Variants in ZNF208 observed in about 807,000 individuals in gnomAD.
ZNF208 encodes zinc finger protein 208.
In ZNF208, 10 loss-of-function variants were observed where a neutral mutation model predicts 12.1. The observed-to-expected ratio is 0.83, with a 90% CI of 0.51 to 1.40. ZNF208 has a LOEUF of 1.40. Ranked by LOEUF, ZNF208 falls within the 40% of genes most tolerant of loss-of-function variation. The probability of loss-of-function intolerance (pLI) is 0.00; values close to 1 mark genes in which losing one functional copy is unlikely to be tolerated. For missense variants in ZNF208, 1,652 were observed against 1,485.0 expected (o/e 1.11, Z -1.85); for synonymous variants, 497 against 488.4 (o/e 1.02, Z -0.23).
chr19:21,942,319 A>G (rs1046905601), intron 4 of ZNF208, among the ~76,000 whole-genome samples: 2 of 152,186 alleles, frequency 1.3e-5, no homozygotes, highest in Non-Finnish European at 2.9e-5. Context: ...TTAAAAATAG[A>G]TATGTTTATC....
intron 4 of ZNF208, among the ~76,000 whole-genome samples, chr19:21,956,912 C>T (rs1969987206): frequency 6.6e-6 from 1 of 152,236 alleles, no homozygotes; most frequent in East Asian, 1.9e-4. Context: ...TCATCTGTGT[C>T]ACTCACACTG....
At chr19:22,007,234 T>G (rs1971059990) in intron 1 of ZNF208, among the ~76,000 whole-genome samples, 1 of 152,062 alleles carries the variant, frequency 6.6e-6, no homozygotes, top group South Asian at 2.1e-4. Context: ...AAAACACACC[T>G]GAGGGCCGGG....
chr19:21,961,747 T>C (rs935283601), downstream of ZNF208, among the ~76,000 whole-genome samples: 1 of 151,876 alleles, frequency 6.6e-6, no homozygotes, highest in East Asian at 1.9e-4. Flanking sequence ...AGTGATATCT[T>C]CCCTACTTGC....
intron 1 of ZNF208, among the ~76,000 whole-genome samples, chr19:22,001,910 AAAAAAAAAAAAG>A (rs1970959232): frequency 2.2e-5 from 3 of 137,564 alleles, no homozygotes; most frequent in African/African-American, 8.0e-5. Context: ...AAAAAAAAAA[AAAAAAAAAAAAG>A]AAAAAAGAAA....
intron 4 of ZNF208, among the ~76,000 whole-genome samples, chr19:21,941,930 A>G (rs1969748490): frequency 6.6e-6 from 1 of 152,162 alleles, no homozygotes; most frequent in Non-Finnish European, 1.5e-5. Flanking sequence ...GTTTTAGAAA[A>G]TCTAAGATTG....
At chr19:21,980,851 T>C (rs1430797408) in intron 3 of ZNF208, among the ~76,000 whole-genome samples, 1 of 152,000 alleles carries the variant, frequency 6.6e-6, no homozygotes, top group Non-Finnish European at 1.5e-5. Context: ...AAGAATCAAA[T>C]AGACACAATC....
At chr19:22,010,690 T>C in intron 1 of ZNF208, 102 bp downstream of exon 1, 1 of 1,570,718 alleles carries the variant, frequency 6.4e-7, no homozygotes, top group Non-Finnish European at 8.8e-7. Flanking sequence ...GGCACAGATG[T>C]GGAGCTGACT....
Position 21,969,277 on chromosome 19 carries a change from G to GAAAAA in ZNF208, c.*1909_*1913dup, listed in dbSNP as rs3029025. 6.7e-6 allele frequency among the ~76,000 whole-genome samples: 1 copy of GAAAAA among 149,452 alleles called. No homozygotes were observed. On this transcript the variant is annotated 3_prime_UTR_variant, in exon 4 of 4. Coordinates refer to ENST00000397126, the MANE Select transcript of ZNF208 (RefSeq NM_007153.3). Reference sequence around the variant, plus strand: ...TGGCCACAGTAAGCCAATGTGTCTGGAAAAAAAAAAAATCTGTGTTTTGAA... The same window carrying GAAAAA: ...TGGCCACAGTAAGCCAATGTGTCTGGAAAAAAAAAAAAAAAAATCTGTGTTTTGAA...
intron 4 of ZNF208, among the ~76,000 whole-genome samples, chr19:21,956,766 C>A (rs886698496): frequency 6.6e-6 from 1 of 152,158 alleles, no homozygotes; most frequent in Non-Finnish European, 1.5e-5. Context: ...AAAGGGATTA[C>A]CCCAACCCCT....
chr19:21,961,515 C>T (rs942159728), downstream of ZNF208, among the ~76,000 whole-genome samples: 3 of 152,060 alleles, frequency 2.0e-5, no homozygotes, highest in East Asian at 1.9e-4. Flanking sequence ...AAATTGGGTT[C>T]GAGAGCAGAG....
chr19:21,963,135 C>T (rs1970105654), downstream of ZNF208, among the ~76,000 whole-genome samples: 1 of 152,032 alleles, frequency 6.6e-6, no homozygotes, highest in Admixed American at 6.6e-5. Context: ...CTTACTTTAA[C>T]AATGATGATG....
At chr19:21,946,978 CT>C (rs931023294) in intron 4 of ZNF208, among the ~76,000 whole-genome samples, 6 of 148,078 alleles carry the variant, frequency 4.1e-5, no homozygotes, top group Non-Finnish European at 9.0e-5. Flanking sequence ...TCTTCTTCTT[CT>C]TTTTTTTGGT....
Position 21,967,744 on chromosome 19 carries a change from A to C in ZNF208, c.*3447T>G, listed in dbSNP as rs1036927743. 6.6e-6 allele frequency: 1 copy of C among 152,060 alleles called. No individual in the cohort carries two copies. Among genetic ancestry groups the C allele is most frequent in the Non-Finnish European group, 1.5e-5 (1 of 68,014 alleles). 9.4% of individuals were successfully genotyped at this position (152,060 alleles called of 1,614,324 possible). ...CTATTTGAGCTCTTTAATTCTTTTG[A>C]ATGTATTTTAGAATAGTTTTCTTTT... is the stretch of plus-strand genomic sequence containing the variant. On this transcript the variant is annotated 3_prime_UTR_variant, in exon 4 of 4. Transcript: ENST00000397126.
At chr19:21,944,883 T>C (rs963531409) in intron 4 of ZNF208, among the ~76,000 whole-genome samples, 4 of 152,304 alleles carry the variant, frequency 2.6e-5, no homozygotes, top group Admixed American at 1.3e-4. Flanking sequence ...AACATGGCCA[T>C]TGTACAGTGG....
At chr19:21,986,761 C>T (rs1970634527) in intron 3 of ZNF208, 1 of 329,926 alleles carries the variant, frequency 3.0e-6, no homozygotes, top group South Asian at 1.6e-4. Context: ...TTCAAGACTA[C>T]AGTAATAAAA....
At position 21,988,808 on chromosome 19, in the gene ZNF208, C is replaced by G; in HGVS notation, c.105G>C (p.Glu35Asp). The part of the protein sequence containing the change: ...QQNLYRNVML[E>D]NYRNLVFLGI... ...CCAGGAAGACCAGGTTTCTGTAGTT[C>G]TCTAACATCACATTTCTATATAAAT... is the stretch of plus-strand genomic sequence containing the variant. Residue 35 changes from glutamate to aspartate, a missense_variant, in exon 2 of 4, where the codon GAG (glutamate) becomes GAC (aspartate). This residue lies in a region of ZNF208 where 410 missense variants were observed against 378.2 expected (regional missense o/e 1.08). Coordinates refer to ENST00000397126, the MANE Select transcript of ZNF208 (RefSeq NM_007153.3). The G allele has an allele frequency of 6.5e-7, 1 of 1,547,704 alleles. No individual in the cohort carries two copies. The highest frequency in any genetic ancestry group is 8.7e-7 in the Non-Finnish European group (1 of 1,153,012).
At chr19:22,001,271 G>A (rs554351744) in intron 1 of ZNF208, among the ~76,000 whole-genome samples, 2 of 147,410 alleles carry the variant, frequency 1.4e-5, no homozygotes, top group South Asian at 4.3e-4. Flanking sequence ...GGCAACAAGA[G>A]CGAAACTCCA....
At chr19:21,946,216 C>G in intron 4 of ZNF208, among the ~76,000 whole-genome samples, 1 of 152,166 alleles carries the variant, frequency 6.6e-6, no homozygotes, top group Middle Eastern at 3.4e-3. Flanking sequence ...TACTTTAGCC[C>G]TTGATTGGTC....
At chr19:22,001,549 A>G (rs1970946543) in intron 1 of ZNF208, among the ~76,000 whole-genome samples, 1 of 152,098 alleles carries the variant, frequency 6.6e-6, no homozygotes, top group Non-Finnish European at 1.5e-5. Flanking sequence ...GAGATAAAAC[A>G]AAAAAAGGCA....
Sources: gnomAD v4.1 joint callset for allele counts (sites outside exome capture counted in the v4.1 genomes callset) on GRCh38, gnomAD v4.1.1 for gene constraint, gnomAD v4.1.1 regional missense constraint, MANE v1.5 for transcripts, NCBI Gene and HGNC (gene_info 2026-07-23, HGNC 2026-07-21) for gene names.